Variants in FSTL4 observed in about 807,000 individuals in gnomAD.
FSTL4 encodes follistatin like 4.
Under a neutral mutation model 78.2 loss-of-function variants are expected in FSTL4, and 28 were observed. The observed-to-expected ratio is 0.36, with a 90% CI of 0.27 to 0.49. The LOEUF (loss-of-function observed/expected upper bound fraction) is 0.49. Among genes scored for constraint, FSTL4 ranks in the 20% least tolerant of loss-of-function variants. FSTL4 has a pLI of 0.98. For missense variants in FSTL4, 922 were observed against 1,084.9 expected, an observed-to-expected ratio of 0.85 and a Z score of 2.11; for synonymous variants, 422 against 440.5, an observed-to-expected ratio of 0.96 and a Z score of 0.53.
the FSTL4 span, among the ~76,000 whole-genome samples, chr5:133,803,860 T>C: frequency 6.6e-6 from 1 of 151,952 alleles, no homozygotes; most frequent in Non-Finnish European, 1.5e-5. Flanking sequence ...CCAATTAGAG[T>C]ATACCAATGA....
rs34680612 is a variant in FSTL4 at position 133,517,608 on chromosome 5, T to TTGTGTGTGTG, written c.160+49568_160+49577dup. ...GAGTTCTATAGAGAAATAGAACTAA[T>TTGTGTGTGTG]TGTGTGTGTGTGTGTGTGTGTGTGT... On this transcript the variant is annotated intron_variant, in intron 3 of 15. Coordinates refer to ENST00000265342, the MANE Select transcript of FSTL4 (RefSeq NM_015082.2). Among the ~76,000 whole-genome samples, 116 of 139,436 alleles carry TTGTGTGTGTG rather than the reference T, an allele frequency of 8.3e-4. 1 individual carries two copies. The highest frequency in any genetic ancestry group is 3.0e-3 in the African/African-American group (112 of 37,360). The allele number at this position is 139,436 out of a possible 152,430, so 91.5% of individuals were successfully genotyped here.
the FSTL4 span, among the ~76,000 whole-genome samples, chr5:133,724,760 T>G: frequency 6.6e-6 from 1 of 152,216 alleles, no homozygotes; most frequent in Non-Finnish European, 1.5e-5. Context: ...CATTTCTATT[T>G]CTTGGTTTTT....
At chr5:133,718,808 T>C in the FSTL4 span, among the ~76,000 whole-genome samples, 24 of 152,234 alleles carry the variant, frequency 1.6e-4, no homozygotes, top group Non-Finnish European at 3.2e-4. Flanking sequence ...GTGACTTGAT[T>C]ATTACCTCCT....
At chr5:133,262,092 G>A (rs938519263) in intron 6 of FSTL4, among the ~76,000 whole-genome samples, 2 of 151,710 alleles carry the variant, frequency 1.3e-5, no homozygotes, top group East Asian at 1.9e-4. Flanking sequence ...GTTAAGTCTC[G>A]CACCCCCTAT....
chr5:133,749,482 G>A, the FSTL4 span, among the ~76,000 whole-genome samples: 8 of 152,190 alleles, frequency 5.3e-5, no homozygotes, highest in African/African-American at 9.7e-5. Context: ...ATTTGCTCCC[G>A]CAGCTGAACC....
At chr5:133,207,301 G>C (rs1013866501) in intron 14 of FSTL4, among the ~76,000 whole-genome samples, 4 of 152,146 alleles carry the variant, frequency 2.6e-5, no homozygotes, top group African/African-American at 9.7e-5. Context: ...AGCACCTACT[G>C]TCTCTCAACA....
chr5:133,464,231 G>A (rs1427702627), intron 3 of FSTL4, among the ~76,000 whole-genome samples: 2 of 152,176 alleles, frequency 1.3e-5, no homozygotes, highest in Non-Finnish European at 2.9e-5. Context: ...CTATCTGAGC[G>A]CAAATCCACC....
At chr5:133,656,268 C>T in the FSTL4 span, among the ~76,000 whole-genome samples, 1 of 152,022 alleles carries the variant, frequency 6.6e-6, no homozygotes, top group Admixed American at 6.6e-5. Context: ...CCACTGGGAA[C>T]TCTGGGATCT....
intron 3 of FSTL4, among the ~76,000 whole-genome samples, chr5:133,498,939 G>C (rs1340490548): frequency 6.6e-6 from 1 of 151,800 alleles, no homozygotes; most frequent in East Asian, 1.9e-4. Context: ...CCTCAGGGAG[G>C]CTCTTGGGAA....
the FSTL4 span, among the ~76,000 whole-genome samples, chr5:133,695,040 G>C: frequency 5.9e-5 from 9 of 152,142 alleles, no homozygotes; most frequent in Non-Finnish European, 1.0e-4. Context: ...TGTGGCATCA[G>C]ATGAGGGCTA....
chr5:133,657,775 G>GTT, the FSTL4 span, among the ~76,000 whole-genome samples: 6 of 133,710 alleles, frequency 4.5e-5, no homozygotes, highest in Admixed American at 7.4e-5. Context: ...TGTTTTTTTT[G>GTT]TTTTTTTTTT....
chr5:133,660,175 T>C, the FSTL4 span, among the ~76,000 whole-genome samples: 1 of 152,234 alleles, frequency 6.6e-6, no homozygotes, highest in African/African-American at 2.4e-5. Context: ...GTTTATTTAC[T>C]AAGCAGTCAC....
chr5:133,390,761 C>A (rs1305835607), intron 4 of FSTL4, among the ~76,000 whole-genome samples: 1 of 152,216 alleles, frequency 6.6e-6, no homozygotes, highest in African/African-American at 2.4e-5. Flanking sequence ...TGGGTCACTG[C>A]CTCCTGATCC....
chr5:133,233,381 T>C (rs762908666), intron 8 of FSTL4, 36 bp downstream of exon 8: 2 of 1,612,532 alleles, frequency 1.2e-6, no homozygotes, highest in South Asian at 1.1e-5. Flanking sequence ...TTGGGGAGGC[T>C]ATGAGGGGAC....
intron 10 of FSTL4, chr5:133,224,532 T>A (rs1426933272): frequency 3.9e-6 from 1 of 253,636 alleles, no homozygotes; most frequent in East Asian, 7.7e-5. Context: ...TCTCCCAGAT[T>A]TCCTGGACAA....
chr5:133,630,720 A>C, the FSTL4 span, among the ~76,000 whole-genome samples: 1 of 152,338 alleles, frequency 6.6e-6, no homozygotes, highest in East Asian at 1.9e-4. Context: ...TGGAGGCATC[A>C]CGCTACCTGA....
At chr5:133,242,108 A>T (rs757726256) in intron 7 of FSTL4, among the ~76,000 whole-genome samples, 1 of 152,214 alleles carries the variant, frequency 6.6e-6, no homozygotes, top group Non-Finnish European at 1.5e-5. Context: ...TTACACGTCA[A>T]CTTACACACA....
chr5:133,644,591 TGGA>T, the FSTL4 span, among the ~76,000 whole-genome samples: 1 of 152,118 alleles, frequency 6.6e-6, no homozygotes, highest in Non-Finnish European at 1.5e-5. Flanking sequence ...ACAGCTTTGG[TGGA>T]GAAGACATGG....
chr5:133,334,699 G>T (rs1365644891), intron 4 of FSTL4, among the ~76,000 whole-genome samples: 3 of 152,174 alleles, frequency 2.0e-5, no homozygotes, highest in South Asian at 4.1e-4. Context: ...GACAGTATTT[G>T]TCCTCAGCCA....
Sources: allele counts gnomAD v4.1 joint callset (sites outside exome capture counted in the v4.1 genomes callset), GRCh38; gene constraint gnomAD v4.1.1; transcripts MANE v1.5; gene names NCBI Gene and HGNC (gene_info 2026-07-23, HGNC 2026-07-21).